The following VRK2 variants were observed in gnomAD, a reference collection of about 807,000 sequenced individuals.
VRK2 encodes the protein serine/threonine-protein kinase VRK2.
Under a neutral mutation model 57.6 loss-of-function variants are expected in VRK2, and 60 were observed. That is an observed-to-expected ratio of 1.04 (90% CI 0.85 to 1.29). The LOEUF is 1.29. Among genes scored for constraint, VRK2 ranks in the 50% most tolerant of loss-of-function variants. The pLI is 0.00. For missense variants in VRK2, 705 were observed against 588.1 expected (o/e 1.20, Z -2.06); for synonymous variants, 231 against 199.2 (o/e 1.16, Z -1.35).
intron 2 of VRK2, chr2:58,058,468 A>G: frequency 2.2e-6 from 1 of 464,970 alleles, no homozygotes; most frequent in South Asian, 1.6e-5. Context: ...AGGCGCATAG[A>G]GAACATAGCT....
At chr2:57,930,291 C>CTG (rs1670677081) in intron 1 of VRK2, among the ~76,000 whole-genome samples, 1 of 152,144 alleles carries the variant, frequency 6.6e-6, no homozygotes, top group Non-Finnish European at 1.5e-5. Context: ...AAATGCTCCT[C>CTG]TGTGTGTGCC....
At chr2:58,113,830 G>C (rs571269484) in intron 7 of VRK2, among the ~76,000 whole-genome samples, 19 of 152,278 alleles carry the variant, frequency 1.2e-4, no homozygotes, top group Admixed American at 2.0e-4. Context: ...CAGGGGATGC[G>C]ACGGCTTGGC....
intron 1 of VRK2, among the ~76,000 whole-genome samples, chr2:57,958,765 G>C (rs1671665994): frequency 6.6e-6 from 1 of 152,032 alleles, no homozygotes; most frequent in East Asian, 1.9e-4. Flanking sequence ...CCTATAGCTA[G>C]CTCATAAATT....
In VRK2 at chr2:58,061,550, C is replaced by T. The variant is rs562951882; in HGVS notation, c.136+12583C>T. On this transcript the variant is annotated intron_variant, in intron 2 of 12. Coordinates refer to ENST00000340157, the MANE Select transcript of VRK2 (RefSeq NM_006296.7). ...CTTAAAATGATAAGATATAAAGACA[C>T]TAAAAGGTTAAGGTTTTTCATGCAC... Among the ~76,000 whole-genome samples, 170 of 151,916 alleles carry T rather than the reference C, an allele frequency of 1.1e-3. 1 individual carries two copies. Among genetic ancestry groups the T allele is most frequent in the African/African-American group, 3.9e-3 (161 of 41,480 alleles).
intron 2 of VRK2, among the ~76,000 whole-genome samples, chr2:58,057,884 C>G (rs1676763403): frequency 6.6e-6 from 1 of 151,882 alleles, no homozygotes; most frequent in Non-Finnish European, 1.5e-5. Flanking sequence ...TTCAAAGAGA[C>G]AGCAGTGCTG....
chr2:57,958,889 T>C (rs531450671), intron 1 of VRK2, among the ~76,000 whole-genome samples: 1 of 152,284 alleles, frequency 6.6e-6, no homozygotes, highest in South Asian at 2.1e-4. Flanking sequence ...GTAGATCAGT[T>C]GTGTCATTGC....
intron 7 of VRK2, among the ~76,000 whole-genome samples, chr2:58,094,030 G>GTT (rs1672766694): frequency 6.6e-6 from 1 of 152,166 alleles, no homozygotes; most frequent in African/African-American, 2.4e-5. Flanking sequence ...CTATATCTCT[G>GTT]TTTTGGTACC....
At chr2:58,143,354 T>A (rs980372251) in intron 11 of VRK2, among the ~76,000 whole-genome samples, 3 of 151,980 alleles carry the variant, frequency 2.0e-5, no homozygotes, top group Non-Finnish European at 4.4e-5. Flanking sequence ...TTATAAGGGA[T>A]GCCCAGGGTG....
At chr2:58,003,710 CCTT>C (rs1412857513) in intron 1 of VRK2, among the ~76,000 whole-genome samples, 2 of 152,040 alleles carry the variant, frequency 1.3e-5, no homozygotes, top group Non-Finnish European at 2.9e-5. Context: ...GTTTCTACAA[CCTT>C]CTTTTCTTCT....
intron 1 of VRK2, among the ~76,000 whole-genome samples, chr2:57,976,183 T>C (rs1672246933): frequency 1.3e-5 from 2 of 152,160 alleles, no homozygotes; most frequent in Non-Finnish European, 1.5e-5. Flanking sequence ...AGGCTGATTC[T>C]ATATCTTCAC....
At chr2:58,144,213 A>G (rs1344844465) in intron 11 of VRK2, among the ~76,000 whole-genome samples, 1 of 151,928 alleles carries the variant, frequency 6.6e-6, no homozygotes, top group Non-Finnish European at 1.5e-5. Context: ...ATGAAAGCAG[A>G]GCATAGAACA....
At chr2:57,980,209 G>A (rs189894706) in intron 1 of VRK2, among the ~76,000 whole-genome samples, 4 of 152,178 alleles carry the variant, frequency 2.6e-5, no homozygotes, top group South Asian at 2.1e-4. Context: ...CTTTAGCTGT[G>A]TCCTGGAGGT....
intron 2 of VRK2, among the ~76,000 whole-genome samples, chr2:58,070,651 T>C (rs974134919): frequency 4.6e-5 from 7 of 152,210 alleles, no homozygotes; most frequent in Admixed American, 3.9e-4. Context: ...TGTGGCTTGA[T>C]AGCACATTTC....
intron 11 of VRK2, among the ~76,000 whole-genome samples, chr2:58,143,796 A>G (rs1012195682): frequency 1.3e-5 from 2 of 151,938 alleles, no homozygotes; most frequent in African/African-American, 4.8e-5. Flanking sequence ...TTGCAACACT[A>G]TTCACAATAA....
intron 7 of VRK2, among the ~76,000 whole-genome samples, chr2:58,113,524 A>G (rs1361947155): frequency 1.3e-5 from 2 of 152,144 alleles, no homozygotes; most frequent in Non-Finnish European, 2.9e-5. Flanking sequence ...GGCTGAGTCC[A>G]AAAAGAGAGT....
intron 1 of VRK2, among the ~76,000 whole-genome samples, chr2:57,927,372 G>A (rs988460620): frequency 2.0e-5 from 3 of 151,530 alleles, no homozygotes; most frequent in Non-Finnish European, 4.4e-5. Flanking sequence ...TGCCTCTCGG[G>A]TTGAAGAGAT....
chr2:57,908,522 A>T (rs950836683), intron 1 of VRK2, among the ~76,000 whole-genome samples: 2 of 152,152 alleles, frequency 1.3e-5, no homozygotes, highest in Non-Finnish European at 2.9e-5. Flanking sequence ...AAAACATTAA[A>T]AAAAAAACTT....
At chr2:57,959,801 TC>T (rs1671700713) in intron 1 of VRK2, among the ~76,000 whole-genome samples, 1 of 151,918 alleles carries the variant, frequency 6.6e-6, no homozygotes, top group African/African-American at 2.4e-5. Context: ...AATTCCCATT[TC>T]CCCCTTTAAT....
At chr2:58,045,081 T>C (rs1401270623), upstream of VRK2, among the ~76,000 whole-genome samples, 1 of 152,214 alleles carries the variant, frequency 6.6e-6, no homozygotes, top group East Asian at 1.9e-4. Flanking sequence ...ACTGGCTAAT[T>C]GTGAGTAAAT....
Sources: gnomAD v4.1 joint callset for allele counts (sites outside exome capture counted in the v4.1 genomes callset) on GRCh38, gnomAD v4.1.1 for gene constraint, MANE v1.5 for transcripts, NCBI Gene and HGNC (gene_info 2026-07-23, HGNC 2026-07-21) for gene names.